REC114: variants seen among roughly 807,000 people sequenced by gnomAD.
The protein encoded by REC114 is meiotic recombination protein REC114.
REC114 carries 27 observed loss-of-function variants against 31.3 expected under a neutral mutation model. The observed-to-expected ratio is 0.86, with a 90% CI of 0.64 to 1.19. The LOEUF (loss-of-function observed/expected upper bound fraction) is 1.19, where lower values mean the gene tolerates loss of function less well. Ranked by LOEUF, REC114 falls within the 50% of genes most tolerant of loss-of-function variation. The pLI is 0.00. For synonymous variants in REC114, 134 were observed against 127.7 expected (o/e 1.05, Z -0.33); for missense variants, 344 against 326.9 (o/e 1.05, Z -0.40).
At chr15:73,539,281 G>GC (rs1894206286) in intron 2 of REC114, among the ~76,000 whole-genome samples, 1 of 101,174 alleles carries the variant, frequency 9.9e-6, no homozygotes, top group African/African-American at 4.4e-5. Context: ...TTTCAGAACT[G>GC]ATTTTTTTTT....
intron 2 of REC114, among the ~76,000 whole-genome samples, chr15:73,537,299 T>G (rs143050756): frequency 4.6e-4 from 70 of 152,168 alleles, no homozygotes; most frequent in African/African-American, 1.6e-3. Flanking sequence ...CAGAGGTTAA[T>G]TAGGCAAAAA....
chr15:73,550,914 G>GAT (rs780875983), intron 3 of REC114, 24 bp from the exon 4 acceptor site: 10 of 1,607,572 alleles, frequency 6.2e-6, no homozygotes, highest in Non-Finnish European at 8.5e-6. Context: ...GGTCTCTCAT[G>GAT]ATAACTTTTG....
At chr15:73,512,978 C>G (rs1221419970) in intron 2 of REC114, among the ~76,000 whole-genome samples, 1 of 151,394 alleles carries the variant, frequency 6.6e-6, no homozygotes, top group Non-Finnish European at 1.5e-5. Flanking sequence ...TTTCCTGAAT[C>G]TGAACGTTGG....
At chr15:73,538,089 G>A (rs1013132687) in intron 2 of REC114, among the ~76,000 whole-genome samples, 12 of 152,152 alleles carry the variant, frequency 7.9e-5, no homozygotes, top group African/African-American at 2.9e-4. Context: ...AACTAAAAAT[G>A]GAATTTTAAA....
chr15:73,496,668 A>C (rs1893531910), intron 2 of REC114, among the ~76,000 whole-genome samples: 2 of 151,920 alleles, frequency 1.3e-5, no homozygotes, highest in African/African-American at 4.8e-5. Flanking sequence ...AAAAAAAAAA[A>C]ATTGCAAACG....
chr15:73,456,556 T>A (rs1046106968), intron 1 of REC114, among the ~76,000 whole-genome samples: 1 of 152,198 alleles, frequency 6.6e-6, no homozygotes, highest in Non-Finnish European at 1.5e-5. Context: ...ATATGATAGA[T>A]GCTCAGTAAA....
At chr15:73,463,505 T>C (rs11504680) in intron 1 of REC114, among the ~76,000 whole-genome samples, 25,133 of 152,204 alleles carry the variant, frequency 0.17, 3,265 homozygotes, top group African/African-American at 0.36. Context: ...ATTCTTGATG[T>C]TTTCTCTTCA....
chr15:73,558,663 C>A (rs192637561), intron 5 of REC114, among the ~76,000 whole-genome samples: 42 of 152,260 alleles, frequency 2.8e-4, no homozygotes, highest in Middle Eastern at 3.4e-3. Context: ...ACTGACAATA[C>A]CAAACCCTGG....
At chr15:73,506,606 T>G (rs1893680802) in intron 2 of REC114, among the ~76,000 whole-genome samples, 1 of 152,220 alleles carries the variant, frequency 6.6e-6, no homozygotes, top group African/African-American at 2.4e-5. Context: ...TATAGTTTAA[T>G]GCAGCCATAT....
intron 1 of REC114, among the ~76,000 whole-genome samples, chr15:73,461,526 AT>A (rs1354936569): frequency 6.6e-6 from 1 of 152,156 alleles, no homozygotes; most frequent in Non-Finnish European, 1.5e-5. Flanking sequence ...GGGTAAGCAC[AT>A]TTGGAATACT....
chr15:73,473,712 A>G (rs1221129639), intron 1 of REC114, 120 bp from the exon 2 acceptor site: 2 of 601,122 alleles, frequency 3.3e-6, no homozygotes, highest in African/African-American at 3.8e-5. Context: ...ATGGAAAAGC[A>G]AAGAGAATGC....
At chr15:73,555,927 C>G (rs541308672) in intron 4 of REC114, among the ~76,000 whole-genome samples, 4 of 152,208 alleles carry the variant, frequency 2.6e-5, no homozygotes, top group Admixed American at 2.6e-4. Context: ...AGCTGGGGTC[C>G]GTCCACTGCA....
rs548116838 is a variant in REC114 at position 73,515,983 on chromosome 15, C to G, written c.250-24502C>G. Among the ~76,000 whole-genome samples the G allele has an allele frequency of 3.1e-4, 47 of 151,232 alleles. 1 individual carries two copies. The South Asian group carries it at 9.9e-3, about 32-fold the overall frequency. On this transcript the variant is annotated intron_variant, in intron 2 of 5. Coordinates refer to ENST00000331090, the MANE Select transcript of REC114 (RefSeq NM_001042367.2). Reference sequence around the variant, plus strand: ...ACTGAACATGAAGGCCAGTCTCTAGCTTTTTCTTTTTTTTTTTTTGGAGAC... The same window carrying G: ...ACTGAACATGAAGGCCAGTCTCTAGGTTTTTCTTTTTTTTTTTTTGGAGAC...
rs376830264 is a variant in REC114, at chr15:73,455,000, A to C, written c.159+11656A>C. ...TTGGCATAAAGCCACAGCTACAGTGACAAGAGATGAGGTTGGCTTTTGCAG... is the reference window on the plus strand; with the variant it reads ...TTGGCATAAAGCCACAGCTACAGTGCCAAGAGATGAGGTTGGCTTTTGCAG... On this transcript the variant is annotated intron_variant, in intron 1 of 5. Transcript: ENST00000331090. Among the ~76,000 whole-genome samples, 9 of 152,352 alleles carry C rather than the reference A, an allele frequency of 5.9e-5. 2 individuals are homozygous for C. The highest frequency in any genetic ancestry group is 1.9e-4 in the East Asian group (1 of 5,188).
chr15:73,551,581 T>TC (rs774764506), intron 4 of REC114, among the ~76,000 whole-genome samples: 2 of 152,324 alleles, frequency 1.3e-5, no homozygotes, highest in African/African-American at 2.4e-5. Context: ...CTAATAGTCA[T>TC]CATGTTCCAA....
intron 2 of REC114, among the ~76,000 whole-genome samples, chr15:73,496,795 C>T (rs1008324845): frequency 5.9e-5 from 9 of 152,106 alleles, no homozygotes; most frequent in African/African-American, 2.2e-4. Context: ...AACTGATCTA[C>T]AGACCTTATT....
chr15:73,554,317 T>G (rs1385523251), intron 4 of REC114, among the ~76,000 whole-genome samples: 1 of 152,222 alleles, frequency 6.6e-6, no homozygotes, highest in Non-Finnish European at 1.5e-5. Flanking sequence ...TGGTAGCATG[T>G]GCTCTTTCTC....
chr15:73,470,691 G>T (rs1428127919), intron 1 of REC114, among the ~76,000 whole-genome samples: 1 of 152,176 alleles, frequency 6.6e-6, no homozygotes, highest in East Asian at 1.9e-4. Context: ...TAACAAAGTG[G>T]TAAGAGCTAT....
chr15:73,485,227 G>A lies in REC114; in HGVS notation c.249+11306G>A, dbSNP rs546929701. On this transcript the variant is annotated intron_variant, in intron 2 of 5. Transcript: ENST00000331090. Reference sequence around the variant, plus strand: ...GCCTCCCGAGTAGCTGGGACTACAGGTGTGCGCCACTACGCCCAGCTAAGT... The same window carrying A: ...GCCTCCCGAGTAGCTGGGACTACAGATGTGCGCCACTACGCCCAGCTAAGT... 1.2e-3 allele frequency among the ~76,000 whole-genome samples: 189 copies of A among 152,268 alleles called. 1 individual carries two copies. Among genetic ancestry groups the A allele is most frequent in the African/African-American group, 4.2e-3 (175 of 41,566 alleles).
Sources: gnomAD v4.1 joint callset for allele counts (sites outside exome capture counted in the v4.1 genomes callset) on GRCh38, gnomAD v4.1.1 for gene constraint, MANE v1.5 for transcripts, NCBI Gene and HGNC (gene_info 2026-07-23, HGNC 2026-07-21) for gene names.